DPP6: variants seen among roughly 807,000 people sequenced by gnomAD.
DPP6 encodes A-type potassium channel modulatory protein DPP6.
In DPP6, 69 loss-of-function variants were observed where a neutral mutation model predicts 122.6. That is an observed-to-expected ratio of 0.56 (90% CI 0.46 to 0.69). The LOEUF (loss-of-function observed/expected upper bound fraction) is 0.69. Ranked by LOEUF, DPP6 falls within the 30% of genes least tolerant of loss-of-function variation. DPP6 has a pLI of 0.00. For missense variants in DPP6, 928 were observed against 1,116.9 expected (o/e 0.83, Z 2.41); for synonymous variants, 418 against 433.1 (o/e 0.97, Z 0.43).
At chr7:154,862,544 G>C (rs1234998276) in intron 17 of DPP6, among the ~76,000 whole-genome samples, 1 of 152,244 alleles carries the variant, frequency 6.6e-6, no homozygotes, top group Non-Finnish European at 1.5e-5. Flanking sequence ...ACGCCCTGCA[G>C]GATGTCTGCA....
the DPP6 span, among the ~76,000 whole-genome samples, chr7:153,831,097 T>C: frequency 6.6e-6 from 1 of 152,230 alleles, no homozygotes; most frequent in Non-Finnish European, 1.5e-5. Context: ...AATTTGCAAT[T>C]AATTTTACCG....
intron 16 of DPP6, among the ~76,000 whole-genome samples, chr7:154,836,339 C>T (rs1422728584): frequency 1.3e-5 from 2 of 152,230 alleles, no homozygotes; most frequent in African/African-American, 4.8e-5. Context: ...ACAGCACTGC[C>T]TCACCCATGC....
intron 1 of DPP6, among the ~76,000 whole-genome samples, chr7:154,239,992 TAAAAAAAAAAAAAA>T (rs763543397): frequency 5.9e-5 from 3 of 50,424 alleles, no homozygotes; most frequent in African/African-American, 1.2e-4. Context: ...ATGCTGTCTT[TAAAAAAAAAAAAAA>T]AAAAAAAAAA....
intron 1 of DPP6, among the ~76,000 whole-genome samples, chr7:153,922,470 G>T (rs1024993698): frequency 2.6e-5 from 4 of 152,202 alleles, no homozygotes; most frequent in African/African-American, 9.6e-5. Context: ...CTGTACTCCA[G>T]CCTGGGTGAC....
chr7:153,817,504 A>G, the DPP6 span, among the ~76,000 whole-genome samples: 1 of 151,464 alleles, frequency 6.6e-6, no homozygotes, highest in African/African-American at 2.4e-5. Flanking sequence ...AAACATCACA[A>G]ACTGCACACA....
intron 1 of DPP6, among the ~76,000 whole-genome samples, chr7:153,943,599 TCATTCCCTTTC>T (rs1470748859): frequency 6.6e-6 from 1 of 152,210 alleles, no homozygotes; most frequent in Non-Finnish European, 1.5e-5. Context: ...GCCTCTGTTT[TCATTCCCTTTC>T]CAGTGTCAAT....
intron 3 of DPP6, among the ~76,000 whole-genome samples, chr7:154,487,688 C>A (rs1179484684): frequency 6.6e-6 from 1 of 152,222 alleles, no homozygotes; most frequent in Non-Finnish European, 1.5e-5. Context: ...ACTATTCATC[C>A]TTCAACACGA....
intron 1 of DPP6, among the ~76,000 whole-genome samples, chr7:154,369,303 C>T (rs930437089): frequency 6.6e-6 from 1 of 151,442 alleles, no homozygotes; most frequent in South Asian, 2.1e-4. Flanking sequence ...CCATACTGAT[C>T]AGGCTGGCAG....
Position 154,644,226 on chromosome 7 carries a change from G to A in DPP6, c.680+6353G>A, listed in dbSNP as rs371677947. 5.3e-5 allele frequency among the ~76,000 whole-genome samples: 8 copies of A among 152,316 alleles called. No homozygotes were observed. The East Asian group carries it at 1.2e-3, about 22-fold the overall frequency. On this transcript the variant is annotated intron_variant, in intron 6 of 25. Coordinates refer to ENST00000377770, the MANE Select transcript of DPP6 (RefSeq NM_130797.4). ...ATAGCATACACTGAAGAAAAAGGAA[G>A]ATCAAAATTCTGGATTCAATTAGCA...
intron 1 of DPP6, among the ~76,000 whole-genome samples, chr7:154,010,259 T>C (rs1167649607): frequency 3.3e-5 from 5 of 152,214 alleles, no homozygotes; most frequent in Non-Finnish European, 7.3e-5. Flanking sequence ...ACACAGCAAA[T>C]CTGCCTCAGC....
At chr7:154,216,799 T>G (rs1800024462) in intron 1 of DPP6, among the ~76,000 whole-genome samples, 1 of 151,482 alleles carries the variant, frequency 6.6e-6, no homozygotes, top group Non-Finnish European at 1.5e-5. Flanking sequence ...ATTGCTGTTG[T>G]TTGAGCAGAG....
In DPP6 at chr7:154,807,179, A is replaced by G. The variant is rs991205298; in HGVS notation, c.1666+67A>G. ...GCACATTTGCAGGGAGGGGGTGGGC[A>G]CACTTGCAGGGAGGGGGCAGCGGCT... On this transcript the variant is annotated intron_variant, in intron 16 of 25. Coordinates refer to ENST00000377770, the MANE Select transcript of DPP6 (RefSeq NM_130797.4). 1.1e-5 allele frequency: 18 copies of G among 1,579,238 alleles called. No individual in the cohort carries two copies. The African/African-American group carries it at 2.3e-4, about 20-fold the overall frequency.
chr7:154,372,120 G>T (rs1812727539), intron 1 of DPP6, among the ~76,000 whole-genome samples: 1 of 152,046 alleles, frequency 6.6e-6, no homozygotes, highest in African/African-American at 2.4e-5. Flanking sequence ...CTGGAGGTTT[G>T]CTCTGGGGCA....
intron 1 of DPP6, among the ~76,000 whole-genome samples, chr7:154,292,071 A>G (rs991824155): frequency 6.6e-6 from 1 of 152,124 alleles, no homozygotes; most frequent in Non-Finnish European, 1.5e-5. Context: ...GATCTCGTCA[A>G]TTTAGTCCTT....
At chr7:153,807,751 G>A in the DPP6 span, among the ~76,000 whole-genome samples, 14 of 151,962 alleles carry the variant, frequency 9.2e-5, no homozygotes, top group East Asian at 2.1e-3. Context: ...AGACAGAGAC[G>A]TTGTCCGCCA....
rs1410978671 is a variant in DPP6 at position 154,333,676 on chromosome 7, G to A, written c.244-112538G>A. On this transcript the variant is annotated intron_variant, in intron 1 of 25. Coordinates refer to ENST00000377770, the MANE Select transcript of DPP6 (RefSeq NM_130797.4). Reference sequence around the variant, plus strand: ...AAGATGCACTAGGGATGTGAAGACTGTTTTGAATCATTGTGAAAACTGGAA... The same window carrying A: ...AAGATGCACTAGGGATGTGAAGACTATTTTGAATCATTGTGAAAACTGGAA... Among the ~76,000 whole-genome samples the A allele has an allele frequency of 2.6e-5, 4 of 152,164 alleles. No individual in the cohort carries two copies. The East Asian group carries it at 7.7e-4, about 29-fold the overall frequency.
intron 19 of DPP6, among the ~76,000 whole-genome samples, chr7:154,873,770 A>G (rs1489527692): frequency 6.6e-6 from 1 of 151,572 alleles, no homozygotes; most frequent in African/African-American, 2.4e-5. Context: ...GCACACGCAC[A>G]TGCACACACA....
chr7:153,778,265 T>C, the DPP6 span, among the ~76,000 whole-genome samples: 6 of 151,558 alleles, frequency 4.0e-5, no homozygotes, highest in Admixed American at 2.0e-4. Flanking sequence ...CCCTGGGGTG[T>C]TGGAGGGAGC....
intron 8 of DPP6, among the ~76,000 whole-genome samples, chr7:154,737,702 T>A (rs1001894811): frequency 1.2e-4 from 19 of 152,216 alleles, no homozygotes; most frequent in African/African-American, 4.6e-4. Context: ...ATTTCTTGCC[T>A]ATGAAATTAG....
Sources: gnomAD v4.1 joint callset for allele counts (sites outside exome capture counted in the v4.1 genomes callset) on GRCh38, gnomAD v4.1.1 for gene constraint, MANE v1.5 for transcripts, NCBI Gene and HGNC (gene_info 2026-07-23, HGNC 2026-07-21) for gene names.